ESR1: variants seen among roughly 807,000 people sequenced by gnomAD.
The protein encoded by ESR1 is estrogen receptor.
ESR1 carries 12 observed loss-of-function variants against 52.7 expected under a neutral mutation model. The observed-to-expected ratio is 0.23, with a 90% CI of 0.15 to 0.37. The LOEUF (loss-of-function observed/expected upper bound fraction) is 0.37, where lower values mean the gene tolerates loss of function less well. Among genes scored for constraint, ESR1 ranks in the 10% least tolerant of loss-of-function variants. The pLI is 1.00. For synonymous variants in ESR1, 305 were observed against 316.8 expected (o/e 0.96, Z 0.39); for missense variants, 584 against 779.7 (o/e 0.75, Z 2.99).
Position 151,957,931 on chromosome 6 carries a change from C to T in ESR1, c.1096+13423C>T, listed in dbSNP as rs181465682. On this transcript the variant is annotated intron_variant, in intron 4 of 7. Coordinates refer to ENST00000206249, the MANE Select transcript of ESR1 (RefSeq NM_000125.4). ...CCAAGCTCATCTGACCTTCGATTCC[C>T]TTATCCTGGGACAGGCTTACATTCT... Among the ~76,000 whole-genome samples, 697 of 152,336 alleles carry T rather than the reference C, an allele frequency of 4.6e-3. 2 individuals carry two copies. The highest frequency in any genetic ancestry group is 6.7e-3 in the Non-Finnish European group (453 of 68,026).
intron 6 of ESR1, among the ~76,000 whole-genome samples, chr6:152,087,001 G>A (rs1328445913): frequency 6.6e-6 from 1 of 152,186 alleles, no homozygotes; most frequent in Non-Finnish European, 1.5e-5. Context: ...GTAATGAGAA[G>A]TCAGTTCCTC....
At chr6:151,926,008 T>C (rs2032671720) in intron 3 of ESR1, among the ~76,000 whole-genome samples, 16 of 152,184 alleles carry the variant, frequency 1.1e-4, no homozygotes. Flanking sequence ...GTTTTTCTTT[T>C]TCCACATCAA....
At chr6:151,768,959 T>G (rs1271542005) in intron 2 of ESR1, among the ~76,000 whole-genome samples, 1 of 152,210 alleles carries the variant, frequency 6.6e-6, no homozygotes, top group Non-Finnish European at 1.5e-5. Context: ...AGAATATAAC[T>G]TCCTGGGCTA....
At chr6:151,943,258 T>C (rs2035298379) in intron 3 of ESR1, among the ~76,000 whole-genome samples, 1 of 151,982 alleles carries the variant, frequency 6.6e-6, no homozygotes, top group Non-Finnish European at 1.5e-5. Flanking sequence ...CAGGTGCCTG[T>C]AGTCCCAGCT....
At chr6:151,966,123 A>G (rs557341606) in intron 4 of ESR1, among the ~76,000 whole-genome samples, 1 of 152,240 alleles carries the variant, frequency 6.6e-6, no homozygotes, top group Non-Finnish European at 1.5e-5. Context: ...TACCCAAAAA[A>G]TTTGCTTTCA....
intron 2 of ESR1, among the ~76,000 whole-genome samples, chr6:151,743,274 C>T (rs924842203): frequency 1.3e-5 from 2 of 152,066 alleles, no homozygotes; most frequent in African/African-American, 2.4e-5. Context: ...TGGACTTGAT[C>T]GTGGGGGCTT....
intron 3 of ESR1, among the ~76,000 whole-genome samples, chr6:151,922,719 A>G (rs1303101917): frequency 1.3e-5 from 2 of 152,270 alleles, no homozygotes. Flanking sequence ...ATTTCCTTCA[A>G]TGAAAACCAA....
intron 3 of ESR1, among the ~76,000 whole-genome samples, chr6:151,899,115 C>T (rs1278690820): frequency 4.4e-5 from 6 of 137,552 alleles, no homozygotes; most frequent in East Asian, 2.6e-4. Flanking sequence ...GGCGGCTGGC[C>T]GGGCGGGGGG....
At chr6:151,660,644 C>A (rs547029905) in intron 1 of ESR1, among the ~76,000 whole-genome samples, 39 of 152,092 alleles carry the variant, frequency 2.6e-4, no homozygotes, top group Non-Finnish European at 4.6e-4. Context: ...AGCTCTTTGG[C>A]TGAGTGGACA....
intron 1 of ESR1, among the ~76,000 whole-genome samples, chr6:151,821,958 T>C (rs561494610): frequency 1.2e-4 from 18 of 152,214 alleles, no homozygotes; most frequent in Non-Finnish European, 2.2e-4. Flanking sequence ...CCCCGTTACA[T>C]GTGTTAAAGA....
chr6:151,958,463 C>T (rs1213473670), intron 4 of ESR1, among the ~76,000 whole-genome samples: 1 of 152,186 alleles, frequency 6.6e-6, no homozygotes, highest in Non-Finnish European at 1.5e-5. Context: ...GAGCTCTGGG[C>T]AGTGTGGTTC....
At chr6:151,884,782 T>TTTTTCC (rs1204758665) in intron 3 of ESR1, among the ~76,000 whole-genome samples, 1 of 152,240 alleles carries the variant, frequency 6.6e-6, no homozygotes, top group Non-Finnish European at 1.5e-5. Context: ...TCTGCATTGC[T>TTTTTCC]TTTTCCTCTT....
chr6:151,891,759 T>C (rs1468857019), intron 3 of ESR1, among the ~76,000 whole-genome samples: 1 of 152,122 alleles, frequency 6.6e-6, no homozygotes, highest in Non-Finnish European at 1.5e-5. Context: ...TAATATCCCA[T>C]AAACCAAAAC....
At chr6:152,019,174 A>T (rs1049205348) in intron 5 of ESR1, among the ~76,000 whole-genome samples, 6 of 152,240 alleles carry the variant, frequency 3.9e-5, no homozygotes, top group Admixed American at 1.3e-4. Flanking sequence ...TATTGAAGAT[A>T]AATCAAAATA....
At chr6:151,963,421 C>T (rs2037900175) in intron 4 of ESR1, among the ~76,000 whole-genome samples, 1 of 152,218 alleles carries the variant, frequency 6.6e-6, no homozygotes, top group Admixed American at 6.5e-5. Flanking sequence ...GGACTTCACC[C>T]ACCCTCACCA....
rs1427633176 is a variant in ESR1, at chr6:152,055,317, T to G, written c.1236-5674T>G. On this transcript the variant is annotated intron_variant, in intron 5 of 7. Transcript: ENST00000206249. ...CATATCCAACCAAGCACGCCAGGGT[T>G]CACTTTTCCTCATGTCCTCGCCGAC... Among the ~76,000 whole-genome samples the G allele has an allele frequency of 2.0e-5, 3 of 152,266 alleles. 1 individual carries two copies. The East Asian group carries it at 5.8e-4, about 29-fold the overall frequency.
At chr6:151,841,717 T>C (rs911119849) in intron 1 of ESR1, among the ~76,000 whole-genome samples, 1 of 152,130 alleles carries the variant, frequency 6.6e-6, no homozygotes, top group African/African-American at 2.4e-5. Flanking sequence ...TGTCTCTCTT[T>C]CTACATTTTT....
chr6:151,724,618 T>C (rs1261925515), intron 2 of ESR1, among the ~76,000 whole-genome samples: 1 of 151,936 alleles, frequency 6.6e-6, no homozygotes, highest in Non-Finnish European at 1.5e-5. Flanking sequence ...TTACTTCACT[T>C]CTGCTGGAGG....
At chr6:152,092,194 T>A (rs1585214959) in intron 6 of ESR1, among the ~76,000 whole-genome samples, 1 of 152,234 alleles carries the variant, frequency 6.6e-6, no homozygotes, top group Non-Finnish European at 1.5e-5. Context: ...ACATGGAACA[T>A]AAGTGAAGTA....
Sources: gnomAD v4.1 joint callset for allele counts (sites outside exome capture counted in the v4.1 genomes callset) on GRCh38, gnomAD v4.1.1 for gene constraint, MANE v1.5 for transcripts, NCBI Gene and HGNC (gene_info 2026-07-23, HGNC 2026-07-21) for gene names.